STXBP5: variants seen among roughly 807,000 people sequenced by gnomAD.
STXBP5 encodes the protein syntaxin-binding protein 5.
A neutral mutation model predicts 152.4 loss-of-function variants in STXBP5; 50 were observed. The ratio of observed to expected loss-of-function variants is 0.33; its 90% CI spans 0.26 to 0.42. The LOEUF (loss-of-function observed/expected upper bound fraction) is 0.42. Among genes scored for constraint, STXBP5 ranks in the 10% least tolerant of loss-of-function variants. STXBP5 has a pLI of 1.00. For synonymous variants in STXBP5, 492 were observed against 494.7 expected (o/e 0.99, Z 0.07); for missense variants, 1,167 against 1,388.6 (o/e 0.84, Z 2.54).
intron 8 of STXBP5, among the ~76,000 whole-genome samples, chr6:147,281,806 A>G (rs753902339): frequency 6.6e-6 from 1 of 152,208 alleles, no homozygotes; most frequent in Non-Finnish European, 1.5e-5. Flanking sequence ...AGAAGGTATT[A>G]TGTTGCATTT....
rs780898285 is a variant in STXBP5 at position 147,384,936 on chromosome 6, C to T, written c.*181C>T. ...TTTAACTGAGGAGTGTTCACACGCA[C>T]TCGAAATGGAGTATATGGTGTGTGC... On this transcript the variant is annotated 3_prime_UTR_variant, in exon 28 of 28. Transcript: ENST00000321680. The T allele has an allele frequency of 3.0e-5, 19 of 634,848 alleles. No individual in the cohort carries two copies. The highest frequency in any genetic ancestry group is 5.3e-5 in the Non-Finnish European group (19 of 355,608). The allele number at this position is 634,848 out of a possible 1,614,324, so 39.3% of individuals were successfully genotyped here.
chr6:147,267,132 T>A lies in STXBP5; in HGVS notation c.679T>A (p.Ser227Thr). 6.2e-7 allele frequency: 1 copy of A among 1,610,252 alleles called. No individual in the cohort carries two copies. The highest frequency in any genetic ancestry group is 8.5e-7 in the Non-Finnish European group (1 of 1,178,688). Residue 227 changes from serine (S) to threonine (T), a missense_variant, in exon 7 of 28, where the codon TCA becomes ACA. Physicochemically the swap from Ser to Thr is moderately conservative, Grantham distance 58. Coordinates refer to ENST00000321680, the MANE Select transcript of STXBP5 (RefSeq NM_001127715.4). The part of the protein sequence containing the change: ...SGTVVLWDLK[S>T]KKADYRYTYD... ...AACAGTAGTTTTATGGGACCTCAAA[T>A]CAAAGAAAGCCGACTACAGATACAC...
chr6:147,340,104 C>A (rs1268844747), intron 21 of STXBP5, among the ~76,000 whole-genome samples: 5 of 151,976 alleles, frequency 3.3e-5, no homozygotes, highest in African/African-American at 4.8e-5. Context: ...TAAATTTGAT[C>A]TTTGATTTAA....
chr6:147,254,716 A>G (rs148240008), intron 4 of STXBP5, among the ~76,000 whole-genome samples: 5,813 of 152,314 alleles, frequency 0.038, 343 homozygotes, highest in East Asian at 0.27. Context: ...GTATGAAAAA[A>G]AGGTCATCAT....
chr6:147,212,374 CTT>C (rs1776902144), intron 2 of STXBP5, among the ~76,000 whole-genome samples: 1 of 152,144 alleles, frequency 6.6e-6, no homozygotes, highest in South Asian at 2.1e-4. Context: ...TACAACCTAA[CTT>C]TGCCATCCTA....
At position 147,316,173 on chromosome 6, in the gene STXBP5, T is replaced by C. The variant is rs76761271; in HGVS notation, c.1624-56T>C. The C allele has an allele frequency of 4.1e-3, 6,326 of 1,530,628 alleles. 192 individuals are homozygous for C. In the African/African-American group the frequency reaches 0.073, roughly 18 times the overall value. The allele number at this position is 1,530,628 out of a possible 1,614,324, so 94.8% of individuals were successfully genotyped here. The stretch of plus-strand genomic sequence containing the variant: ...TGTGTGTGTATGTGTGTATAAATTG[T>C]GATAAAATGAGCAATAATTATTAGG... On this transcript the variant is annotated intron_variant, in intron 15 of 27. Coordinates refer to ENST00000321680, the MANE Select transcript of STXBP5 (RefSeq NM_001127715.4).
At chr6:147,317,214 G>C (rs1482963072) in intron 16 of STXBP5, among the ~76,000 whole-genome samples, 1 of 152,122 alleles carries the variant, frequency 6.6e-6, no homozygotes, top group Non-Finnish European at 1.5e-5. Context: ...ACCAGGCTTT[G>C]CACTATTTTA....
At chr6:147,299,904 T>G (rs1408024270) in intron 9 of STXBP5, among the ~76,000 whole-genome samples, 4 of 151,994 alleles carry the variant, frequency 2.6e-5, no homozygotes, top group African/African-American at 9.7e-5. Context: ...GACGTTTTAT[T>G]TATATAGAAA....
chr6:147,290,233 G>T (rs1326006409), intron 8 of STXBP5, among the ~76,000 whole-genome samples: 2 of 152,094 alleles, frequency 1.3e-5, no homozygotes, highest in Non-Finnish European at 2.9e-5. Context: ...AAATTTGCTT[G>T]CCTAGAATTT....
At position 147,219,263 on chromosome 6, in the gene STXBP5, A is replaced by G. The variant is rs566021279; in HGVS notation, c.248+13195A>G. Reference sequence around the variant, plus strand: ...GTTGAACTAGACTTGCATACCTGGTATAAATCCCATTTGGTCATGCTGTGT... The same window carrying G: ...GTTGAACTAGACTTGCATACCTGGTGTAAATCCCATTTGGTCATGCTGTGT... On this transcript the variant is annotated intron_variant, in intron 2 of 27. Coordinates refer to ENST00000321680, the MANE Select transcript of STXBP5 (RefSeq NM_001127715.4). Among the ~76,000 whole-genome samples, 4 of 152,346 alleles carry G rather than the reference A, an allele frequency of 2.6e-5. No homozygotes were observed. In the East Asian group the frequency reaches 7.7e-4, roughly 29 times the overall value.
chr6:147,300,569 T>C (rs1428616157), intron 9 of STXBP5, among the ~76,000 whole-genome samples: 2 of 152,012 alleles, frequency 1.3e-5, no homozygotes, highest in Non-Finnish European at 2.9e-5. Context: ...AGGACATTCT[T>C]TTCAATAAAT....
chr6:147,232,190 C>T (rs575861988), intron 2 of STXBP5, among the ~76,000 whole-genome samples: 50 of 151,906 alleles, frequency 3.3e-4, no homozygotes, highest in Admixed American at 3.3e-3. Flanking sequence ...TATGAACTAA[C>T]TTGAAAATAG....
chr6:147,238,981 A>C (rs1440799691), intron 3 of STXBP5, among the ~76,000 whole-genome samples, 189 bp from the exon 4 acceptor site: 1 of 152,232 alleles, frequency 6.6e-6, no homozygotes, highest in Non-Finnish European at 1.5e-5. Context: ...ACGTATTTAC[A>C]TGCATGTAAT....
chr6:147,377,139 T>C (rs1297516691), intron 26 of STXBP5, among the ~76,000 whole-genome samples: 1 of 152,138 alleles, frequency 6.6e-6, no homozygotes, highest in Non-Finnish European at 1.5e-5. Context: ...TAAAATAACT[T>C]TAGTGTATAC....
intron 23 of STXBP5, among the ~76,000 whole-genome samples, chr6:147,362,877 C>G (rs918990019): frequency 1.3e-5 from 2 of 152,148 alleles, no homozygotes; most frequent in African/African-American, 4.8e-5. Context: ...TTGAGTCTCA[C>G]CATGCGCTGC....
chr6:147,283,689 C>T (rs1249454875), intron 8 of STXBP5, among the ~76,000 whole-genome samples: 2 of 152,144 alleles, frequency 1.3e-5, no homozygotes, highest in African/African-American at 4.8e-5. Flanking sequence ...AGGCCGTTTG[C>T]CAACCTGCAG....
chr6:147,218,283 A>G (rs1777277361), intron 2 of STXBP5, among the ~76,000 whole-genome samples: 1 of 152,198 alleles, frequency 6.6e-6, no homozygotes, highest in Non-Finnish European at 1.5e-5. Context: ...TTTCATCATT[A>G]TAATATCATA....
chr6:147,228,728 C>G (rs2115134071), intron 2 of STXBP5, among the ~76,000 whole-genome samples: 1 of 152,044 alleles, frequency 6.6e-6, no homozygotes, highest in East Asian at 1.9e-4. Flanking sequence ...CATGTATGTT[C>G]AGTTTGGTAT....
intron 9 of STXBP5, among the ~76,000 whole-genome samples, chr6:147,304,221 T>A (rs1394665336): frequency 6.6e-6 from 1 of 152,162 alleles, no homozygotes; most frequent in Non-Finnish European, 1.5e-5. Context: ...TCCAGGGTCT[T>A]GCCGCTTTGT....
Sources: gnomAD v4.1 joint callset for allele counts (sites outside exome capture counted in the v4.1 genomes callset) on GRCh38, gnomAD v4.1.1 for gene constraint, MANE v1.5 for transcripts, NCBI Gene and HGNC (gene_info 2026-07-23, HGNC 2026-07-21) for gene names.